Variants in TECR observed in about 807,000 individuals in gnomAD.
The protein encoded by TECR is trans-2,3-enoyl-CoA reductase, also known as very-long-chain enoyl-CoA reductase.
A neutral mutation model predicts 50.6 loss-of-function variants in TECR; 19 were observed. The ratio of observed to expected loss-of-function variants is 0.38; its 90% CI spans 0.26 to 0.55. The LOEUF is 0.55. TECR is among the 20% of genes least tolerant of loss of function. The pLI is 0.79. For missense variants in TECR, 313 were observed against 408.3 expected (o/e 0.77, Z 2.01); for synonymous variants, 168 against 163.5 (o/e 1.03, Z -0.21).
chr19:14,549,888 A>T (rs1472686021), intron 1 of TECR, among the ~76,000 whole-genome samples: 1 of 151,804 alleles, frequency 6.6e-6, no homozygotes, highest in East Asian at 1.9e-4. Context: ...GGTTGCAGTG[A>T]GCCGAGATTG....
intron 1 of TECR, among the ~76,000 whole-genome samples, chr19:14,554,316 G>A (rs772111893): frequency 6.6e-4 from 101 of 152,262 alleles, no homozygotes; most frequent in Non-Finnish European, 1.1e-3. Flanking sequence ...GGCAGGTCAC[G>A]TCCTAGGACA....
At chr19:14,534,500 A>ATC (rs2072794351) in intron 1 of TECR, among the ~76,000 whole-genome samples, 2 of 116,946 alleles carry the variant, frequency 1.7e-5, no homozygotes, top group Admixed American at 1.2e-4. Context: ...CAGTGATGTG[A>ATC]TCTCACCTCA....
intron 1 of TECR, among the ~76,000 whole-genome samples, chr19:14,543,413 ATATATATTTTTTTTTTTTTTTTTTTTTT>A (rs2073184050): frequency 2.1e-4 from 2 of 9,544 alleles, no homozygotes; most frequent in Non-Finnish European, 5.0e-4. Context: ...ATATATATAT[ATATATATTTTTTTTTTTTTTTTTTTTTT>A]TTTTTTTTTT....
chr19:14,560,117 C>T (rs1016562082), intron 1 of TECR, among the ~76,000 whole-genome samples: 2 of 152,196 alleles, frequency 1.3e-5, no homozygotes, highest in African/African-American at 4.8e-5. Context: ...GCCCCTCTCT[C>T]GCTACCCCCT....
chr19:14,544,491 G>C (rs993940658), intron 1 of TECR, among the ~76,000 whole-genome samples: 5 of 152,020 alleles, frequency 3.3e-5, no homozygotes, highest in Non-Finnish European at 7.4e-5. Context: ...ATGATCTCGG[G>C]GTGTGCGGCC....
chr19:14,550,061 G>A (rs2073443612), intron 1 of TECR, among the ~76,000 whole-genome samples: 1 of 151,878 alleles, frequency 6.6e-6, no homozygotes, highest in Admixed American at 6.6e-5. Flanking sequence ...ATTACATATA[G>A]CGATTTATTT....
At chr19:14,534,927 G>C (rs2072808505) in intron 1 of TECR, among the ~76,000 whole-genome samples, 1 of 152,174 alleles carries the variant, frequency 6.6e-6, no homozygotes, top group African/African-American at 2.4e-5. Context: ...TGCTGCCCTA[G>C]GACAGCTGGT....
intron 1 of TECR, among the ~76,000 whole-genome samples, chr19:14,554,380 A>T (rs76177564): frequency 0.025 from 3,848 of 152,240 alleles, 82 homozygotes; most frequent in East Asian, 0.1. Flanking sequence ...CCAGAATCCA[A>T]GCTTCCCGCT....
At chr19:14,535,791 G>C (rs2072879297) in intron 1 of TECR, among the ~76,000 whole-genome samples, 1 of 146,922 alleles carries the variant, frequency 6.8e-6, no homozygotes. Context: ...AAAGTGGTGA[G>C]CCTTGAGCTG....
chr19:14,564,361 A>G, intron 7 of TECR, 74 bp downstream of exon 7: 1 of 871,180 alleles, frequency 1.1e-6, no homozygotes. Flanking sequence ...ACCGAGCCCC[A>G]CCCCAAGGCC....
chr19:14,543,942 T>C (rs1416830463), intron 1 of TECR, among the ~76,000 whole-genome samples: 3 of 151,066 alleles, frequency 2.0e-5, no homozygotes, highest in Non-Finnish European at 2.9e-5. Context: ...TTCACCATGT[T>C]GGCCAGGCAG....
At chr19:14,531,144 C>G (rs759569803) in intron 1 of TECR, 1 of 152,108 alleles carries the variant, frequency 6.6e-6, no homozygotes, top group Non-Finnish European at 1.5e-5. Context: ...AAGCGATTCT[C>G]CTGCCTCAGC....
In TECR at chr19:14,564,174, C is replaced by A. The variant is rs769607253; in HGVS notation, c.384-8C>A. 44 of 1,606,640 alleles carry A rather than the reference C, an allele frequency of 2.7e-5. No individual in the cohort carries two copies. Among genetic ancestry groups the A allele is most frequent in the South Asian group, 3.3e-5 (3 of 91,082 alleles). Reference sequence around the variant, plus strand: ...CCAGCCCCAGCTGAGCCTGCTCCCCCCGACCAGCCTCGCCTGCATCTGTCA... The same window carrying A: ...CCAGCCCCAGCTGAGCCTGCTCCCCACGACCAGCCTCGCCTGCATCTGTCA... On this transcript the variant is annotated splice_region_variant and splice_polypyrimidine_tract_variant and intron_variant, in intron 6 of 12. Transcript: ENST00000215567.
intron 12 of TECR, 29 bp from the exon 13 acceptor site, chr19:14,565,715 C>G: frequency 1.2e-6 from 2 of 1,612,216 alleles, no homozygotes; most frequent in Non-Finnish European, 1.7e-6. Flanking sequence ...GGCCGGCAGC[C>G]CCTCCCTGAC....
At position 14,553,241 on chromosome 19, in the gene TECR, G is replaced by A. The variant is rs550344029; in HGVS notation, c.16-9284G>A. Reference sequence around the variant, plus strand: ...AGCAGCTCCAGCTTCTCCGGGTCCCGGGCTACCGCTGCCTCTGCACCTGGC... The same window carrying A: ...AGCAGCTCCAGCTTCTCCGGGTCCCAGGCTACCGCTGCCTCTGCACCTGGC... On this transcript the variant is annotated intron_variant, in intron 1 of 12. Transcript: ENST00000215567. 2.6e-5 allele frequency among the ~76,000 whole-genome samples: 4 copies of A among 152,260 alleles called. No individual in the cohort carries two copies. The East Asian group carries it at 5.8e-4, about 22-fold the overall frequency.
Position 14,564,865 on chromosome 19 carries a change from G to A in TECR, c.562+7G>A, listed in dbSNP as rs753556408. On this transcript the variant is annotated splice_region_variant and intron_variant, in intron 8 of 12. Coordinates refer to ENST00000215567, the MANE Select transcript of TECR (RefSeq NM_138501.6). ...CCTCTCTACACTCCCCCTAGTAAGT[G>A]GCCTCAGACCATCCTTCCCTCCCCC... is the stretch of plus-strand genomic sequence containing the variant. The A allele has an allele frequency of 1.9e-5, 31 of 1,613,928 alleles. 1 individual carries two copies. The South Asian group carries it at 3.4e-4, about 18-fold the overall frequency.
rs976304084 is a variant in TECR at position 14,545,041 on chromosome 19, C to G, written c.15+15330C>G. 12 of 455,830 alleles carry G rather than the reference C, an allele frequency of 2.6e-5. No homozygotes were observed. The Admixed American group carries it at 2.8e-4, about 11-fold the overall frequency. The allele number at this position is 455,830 out of a possible 1,614,324, so 28.2% of individuals were successfully genotyped here. A position where few individuals can be genotyped will look rare whatever the true frequency, so the allele number is the denominator to read the frequency against. ...TGGTCCAAGCACCTGAGTCTCTGCCCTGAGTTGTTTCTAAGCCTCTCACCA... is the reference window on the plus strand; with the variant it reads ...TGGTCCAAGCACCTGAGTCTCTGCCGTGAGTTGTTTCTAAGCCTCTCACCA... On this transcript the variant is annotated intron_variant, in intron 1 of 12. Transcript: ENST00000215567.
chr19:14,539,609 C>T (rs1265821685), intron 1 of TECR, among the ~76,000 whole-genome samples: 1 of 152,018 alleles, frequency 6.6e-6, no homozygotes, highest in East Asian at 1.9e-4. Context: ...TCATCTGTCC[C>T]CTGCTTTCCT....
Position 14,562,390 on chromosome 19 carries a change from G to C in TECR, c.16-135G>C, listed in dbSNP as rs2073929900. 3 of 890,982 alleles carry C rather than the reference G, an allele frequency of 3.4e-6. No individual in the cohort carries two copies. In the Admixed American group the frequency reaches 6.0e-5, roughly 18 times the overall value. 55.2% of individuals were successfully genotyped at this position (890,982 alleles called of 1,614,324 possible). ...GAGCCGAGTGGCAGGGCTGGTGGCA[G>C]GCGGCATGGACTTGAACTTGAGCTT... On this transcript the variant is annotated intron_variant, in intron 1 of 12. Transcript: ENST00000215567.
Sources: gnomAD v4.1 joint callset for allele counts (sites outside exome capture counted in the v4.1 genomes callset) on GRCh38, gnomAD v4.1.1 for gene constraint, MANE v1.5 for transcripts, NCBI Gene and HGNC (gene_info 2026-07-23, HGNC 2026-07-21) for gene names.